Variants in SUGCT observed in about 807,000 individuals in gnomAD.
SUGCT encodes the protein succinyl-CoA:glutarate CoA-transferase.
In SUGCT, 41 loss-of-function variants were observed where a neutral mutation model predicts 55.0. The ratio of observed to expected loss-of-function variants is 0.74; its 90% confidence interval spans 0.58 to 0.97. The LOEUF is 0.97. Among genes scored for constraint, SUGCT ranks in the 50% least tolerant of loss-of-function variants. The probability of loss-of-function intolerance (pLI) is 0.00; values close to 1 mark genes in which losing one functional copy is unlikely to be tolerated. For synonymous variants in SUGCT, 187 were observed against 200.4 expected, an observed-to-expected ratio of 0.93 and a Z score of 0.56; for missense variants, 568 against 547.8, an observed-to-expected ratio of 1.04 and a Z score of -0.37.
chr7:40,312,076 G>C (rs996483334), intron 8 of SUGCT, among the ~76,000 whole-genome samples: 2 of 140,320 alleles, frequency 1.4e-5, no homozygotes, highest in African/African-American at 5.3e-5. Flanking sequence ...AGTTGGTCTT[G>C]TTGCCCAGGC....
intron 9 of SUGCT, among the ~76,000 whole-genome samples, chr7:40,356,704 C>A (rs184125107): frequency 6.6e-6 from 1 of 152,124 alleles, no homozygotes; most frequent in Admixed American, 6.6e-5. Context: ...TAGCAGATTC[C>A]GCTTAAGTTG....
At chr7:40,491,020 C>T (rs975047615) in intron 11 of SUGCT, among the ~76,000 whole-genome samples, 1 of 152,028 alleles carries the variant, frequency 6.6e-6, no homozygotes, top group Non-Finnish European at 1.5e-5. Flanking sequence ...AATTATGTAC[C>T]ACATTAATTC....
At chr7:40,397,522 A>G (rs138391662) in intron 9 of SUGCT, among the ~76,000 whole-genome samples, 5,668 of 152,220 alleles carry the variant, frequency 0.037, 178 homozygotes, top group Non-Finnish European at 0.054. Flanking sequence ...CTATTTCCTC[A>G]CAAAGATCAT....
At chr7:40,801,646 G>C (rs1189467646) in intron 13 of SUGCT, among the ~76,000 whole-genome samples, 1 of 152,098 alleles carries the variant, frequency 6.6e-6, no homozygotes, top group Non-Finnish European at 1.5e-5. Flanking sequence ...TCTTCTGGGA[G>C]GTACAGCAGA....
In SUGCT at chr7:40,154,881, A is replaced by G. The variant is rs571649035; in HGVS notation, c.100+19761A>G. On this transcript the variant is annotated intron_variant, in intron 1 of 13. Transcript: ENST00000335693. ...ATCTGCCTTAAAAATTAAAATGCAC[A>G]TCTGTTATTCAGATTAATATGCATC... Among the ~76,000 whole-genome samples, 4 of 152,328 alleles carry G rather than the reference A, an allele frequency of 2.6e-5. No individual in the cohort carries two copies. In the South Asian group the frequency reaches 8.3e-4, roughly 32 times the overall value.
At chr7:40,898,574 T>A in the SUGCT span, among the ~76,000 whole-genome samples, 1 of 136,100 alleles carries the variant, frequency 7.3e-6, no homozygotes, top group African/African-American at 2.6e-5. Context: ...ATACAAAAAA[T>A]TATTTTGGGC....
At chr7:40,172,157 T>C (rs1784707991) in intron 1 of SUGCT, among the ~76,000 whole-genome samples, 3 of 152,208 alleles carry the variant, frequency 2.0e-5, no homozygotes, top group South Asian at 2.1e-4. Flanking sequence ...ATAGACCCAG[T>C]TCCAGTTGTT....
At chr7:40,207,080 T>C (rs1347539316) in intron 6 of SUGCT, among the ~76,000 whole-genome samples, 3 of 151,984 alleles carry the variant, frequency 2.0e-5, no homozygotes, top group Non-Finnish European at 4.4e-5. Flanking sequence ...GCACCTGTGG[T>C]CCCATCTCCT....
intron 12 of SUGCT, among the ~76,000 whole-genome samples, chr7:40,718,146 A>G (rs1786125919): frequency 6.6e-6 from 1 of 152,252 alleles, no homozygotes; most frequent in Non-Finnish European, 1.5e-5. Flanking sequence ...CAAAGCAATA[A>G]GCATTCTGAT....
chr7:40,912,766 G>A, the SUGCT span, among the ~76,000 whole-genome samples: 1 of 51,998 alleles, frequency 1.9e-5, no homozygotes. Context: ...GCAATTAAAC[G>A]TTTCCAAAAA....
chr7:40,749,078 G>A (rs1424142132), intron 12 of SUGCT, among the ~76,000 whole-genome samples: 2 of 152,174 alleles, frequency 1.3e-5, no homozygotes, highest in Admixed American at 6.5e-5. Context: ...GCCGAGTCCT[G>A]CCATAAGGTT....
intron 12 of SUGCT, among the ~76,000 whole-genome samples, chr7:40,539,841 C>T (rs1274710038): frequency 3.3e-5 from 5 of 152,098 alleles, no homozygotes; most frequent in Non-Finnish European, 5.9e-5. Flanking sequence ...CAGTAGTAAC[C>T]AAGGTGCTAT....
In SUGCT at chr7:40,676,502, TTG is replaced by T. The variant is rs1422137841; in HGVS notation, c.1090-72930_1090-72929del. 9.8e-4 allele frequency among the ~76,000 whole-genome samples: 133 copies of T among 135,902 alleles called. 2 individuals carry two copies. In the East Asian group the frequency reaches 0.021, roughly 22 times the overall value. 89.2% of individuals were successfully genotyped at this position (135,902 alleles called of 152,430 possible). ...GAAAAATCCCTTGCGGTTTTGTTTTTTGTTTTTTTTTTTTTTTTGAGATGGAG... is the reference window on the plus strand; with the variant it reads ...GAAAAATCCCTTGCGGTTTTGTTTTTTTTTTTTTTTTTTTTTGAGATGGAG... On this transcript the variant is annotated intron_variant, in intron 12 of 13. Coordinates refer to ENST00000335693, the MANE Select transcript of SUGCT (RefSeq NM_001193313.2).
At position 40,749,366 on chromosome 7, in the gene SUGCT, T is replaced by C. The variant is rs114477855; in HGVS notation, c.1090-68T>C. On this transcript the variant is annotated intron_variant, in intron 12 of 13. Transcript: ENST00000335693. ...TTGATGTCGACTGAATAGATGGCTG[T>C]CCATGCCTTGCAATTGAAGATGGTT... is the stretch of plus-strand genomic sequence containing the variant. 4.0e-4 allele frequency: 499 copies of C among 1,234,828 alleles called. 1 individual carries two copies. In the African/African-American group the frequency reaches 6.7e-3, roughly 16 times the overall value. 76.5% of individuals were successfully genotyped at this position (1,234,828 alleles called of 1,614,324 possible).
chr7:40,752,786 T>C (rs938021096), intron 13 of SUGCT, among the ~76,000 whole-genome samples: 6 of 152,232 alleles, frequency 3.9e-5, no homozygotes, highest in Admixed American at 2.0e-4. Flanking sequence ...AAAAATTCAC[T>C]TGACTACAAC....
At chr7:40,421,433 T>G (rs1485073333) in intron 9 of SUGCT, among the ~76,000 whole-genome samples, 2 of 152,178 alleles carry the variant, frequency 1.3e-5, no homozygotes, top group Non-Finnish European at 1.5e-5. Flanking sequence ...CTGGACAGGC[T>G]CCTGGATACT....
At chr7:40,220,610 A>T (rs1216012335) in intron 6 of SUGCT, among the ~76,000 whole-genome samples, 1 of 152,206 alleles carries the variant, frequency 6.6e-6, no homozygotes, top group Non-Finnish European at 1.5e-5. Context: ...TACAAGGAAA[A>T]GTACTCTTTA....
intron 12 of SUGCT, among the ~76,000 whole-genome samples, chr7:40,735,810 C>T (rs1787124091): frequency 6.6e-6 from 1 of 152,202 alleles, no homozygotes; most frequent in Admixed American, 6.6e-5. Context: ...TTGAAAATCT[C>T]TCATTTTTCT....
chr7:40,230,537 G>A (rs1788660629), intron 6 of SUGCT, among the ~76,000 whole-genome samples: 1 of 152,220 alleles, frequency 6.6e-6, no homozygotes, highest in Admixed American at 6.5e-5. Context: ...CAGGACATGA[G>A]AGGCTGGATG....
Sources: gnomAD v4.1 joint callset for allele counts (sites outside exome capture counted in the v4.1 genomes callset) on GRCh38, gnomAD v4.1.1 for gene constraint, MANE v1.5 for transcripts, NCBI Gene and HGNC (gene_info 2026-07-23, HGNC 2026-07-21) for gene names.